The following KMT2E variants were observed in gnomAD, a reference collection of about 807,000 sequenced individuals.
KMT2E encodes histone reader KMT2E.
Under a neutral mutation model 184.6 loss-of-function variants are expected in KMT2E, and 30 were observed. That is an observed-to-expected ratio of 0.16 (90% CI 0.12 to 0.22). The LOEUF is 0.22. Ranked by LOEUF, KMT2E falls within the 10% of genes least tolerant of loss-of-function variation. The probability of loss-of-function intolerance (pLI) is 1.00; values close to 1 mark genes in which losing one functional copy is unlikely to be tolerated. For missense variants in KMT2E, 2,023 were observed against 2,237.4 expected (o/e 0.90, Z 1.93); for synonymous variants, 815 against 776.5 (o/e 1.05, Z -0.82).
chr7:105,108,428 T>C (rs1188358280), intron 22 of KMT2E: 1 of 333,426 alleles, frequency 3.0e-6, no homozygotes, highest in Non-Finnish European at 6.0e-6. Flanking sequence ...GCAGACATAC[T>C]GAGATAATTA....
At chr7:105,020,373 C>T (rs763786747) in intron 1 of KMT2E, among the ~76,000 whole-genome samples, 1 of 151,656 alleles carries the variant, frequency 6.6e-6, no homozygotes, top group Non-Finnish European at 1.5e-5. Flanking sequence ...GGTGGATCAC[C>T]TGAGCTCAGG....
At chr7:105,043,615 A>C (rs1562887667) in intron 3 of KMT2E, among the ~76,000 whole-genome samples, 2 of 152,180 alleles carry the variant, frequency 1.3e-5, no homozygotes, top group Non-Finnish European at 2.9e-5. Flanking sequence ...GAATAAGGAC[A>C]TTTTGGTATA....
intron 1 of KMT2E, among the ~76,000 whole-genome samples, chr7:105,031,656 G>C (rs1367496978): frequency 6.6e-6 from 1 of 151,918 alleles, no homozygotes. Context: ...GGAGGCTGAG[G>C]CAGGAGAATT....
chr7:105,062,950 T>TTAA (rs1584746200), intron 4 of KMT2E, among the ~76,000 whole-genome samples: 1 of 151,742 alleles, frequency 6.6e-6, no homozygotes, highest in African/African-American at 2.4e-5. Context: ...ATATGTCTTG[T>TTAA]TTTATTATTC....
intron 12 of KMT2E, among the ~76,000 whole-genome samples, chr7:105,079,418 A>G (rs1217368487): frequency 4.0e-5 from 6 of 151,092 alleles, no homozygotes; most frequent in Admixed American, 2.6e-4. Flanking sequence ...TTACGAGTGT[A>G]AGCCACCATG....
At chr7:105,043,267 T>C (rs4997569) in intron 3 of KMT2E, among the ~76,000 whole-genome samples, 40,306 of 147,626 alleles carry the variant, frequency 0.27, 8,314 homozygotes, top group East Asian at 0.64. Context: ...GACGGAGTCT[T>C]GCTCTGTCGC....
At chr7:105,102,241 T>C (rs576117174) in intron 17 of KMT2E, 47 bp downstream of exon 17, 64 of 1,476,364 alleles carry the variant, frequency 4.3e-5, no homozygotes, top group East Asian at 2.7e-4. Context: ...CAGTTTCTTA[T>C]ATTAATTATA....
chr7:105,037,061 A>C (rs181218802), intron 1 of KMT2E, among the ~76,000 whole-genome samples: 1 of 152,198 alleles, frequency 6.6e-6, no homozygotes, highest in South Asian at 2.1e-4. Flanking sequence ...TCTCAGTTAC[A>C]TGTCTCCTCA....
chr7:105,087,058 T>G (rs917297879), intron 13 of KMT2E, among the ~76,000 whole-genome samples: 1 of 147,202 alleles, frequency 6.8e-6, no homozygotes, highest in African/African-American at 2.5e-5. Flanking sequence ...ATATATAGCA[T>G]ATATAATATA....
At chr7:105,104,576 T>A (rs1798809828) in intron 17 of KMT2E, 1 of 151,596 alleles carries the variant, frequency 6.6e-6, no homozygotes. Context: ...ACACCTGTAG[T>A]CCCAGCTAGT....
intron 1 of KMT2E, among the ~76,000 whole-genome samples, chr7:105,029,243 AAC>A (rs1018459023): frequency 7.9e-5 from 12 of 152,186 alleles, no homozygotes; most frequent in Non-Finnish European, 1.8e-4. Flanking sequence ...AGGAAAAAAA[AAC>A]ACTACTTGAA....
chr7:105,110,926 C>A, intron 26 of KMT2E, 58 bp downstream of exon 26: 1 of 1,186,164 alleles, frequency 8.4e-7, no homozygotes, highest in Non-Finnish European at 1.3e-6. Flanking sequence ...TGCAGAAAAG[C>A]TGATGGTTAT....
At chr7:105,055,058 A>G (rs536464845) in intron 3 of KMT2E, among the ~76,000 whole-genome samples, 6 of 152,248 alleles carry the variant, frequency 3.9e-5, no homozygotes, top group African/African-American at 1.2e-4. Context: ...TCCTGAGCCT[A>G]CTGAATCTAG....
chr7:105,102,469 A>G (rs1056022005), intron 17 of KMT2E: 30 of 248,186 alleles, frequency 1.2e-4, no homozygotes, highest in Non-Finnish European at 1.8e-4. Context: ...TATGTACAAA[A>G]TATATACTTC....
intron 6 of KMT2E, among the ~76,000 whole-genome samples, chr7:105,068,224 T>A (rs1797121680): frequency 6.6e-6 from 1 of 152,188 alleles, no homozygotes; most frequent in Non-Finnish European, 1.5e-5. Flanking sequence ...AGAAGGTGTT[T>A]ATGTCTATAG....
intron 3 of KMT2E, among the ~76,000 whole-genome samples, chr7:105,053,642 G>T (rs1796438059): frequency 6.6e-6 from 1 of 152,094 alleles, no homozygotes; most frequent in African/African-American, 2.4e-5. Flanking sequence ...AGAGATCAAG[G>T]TGAGGGGATC....
chr7:105,098,388 T>G (rs922120014), intron 15 of KMT2E, among the ~76,000 whole-genome samples: 6 of 152,062 alleles, frequency 3.9e-5, no homozygotes, highest in African/African-American at 1.4e-4. Flanking sequence ...TACAGGTGCA[T>G]GCTACCATGT....
At chr7:105,071,582 G>GTGTATATATATATA (rs1398236878) in intron 6 of KMT2E, among the ~76,000 whole-genome samples, 2 of 34,928 alleles carry the variant, frequency 5.7e-5, no homozygotes, top group East Asian at 2.2e-3. Flanking sequence ...ATGTGTGTGT[G>GTGTATATATATATA]TATATATATA....
At chr7:105,063,714 C>T in intron 5 of KMT2E, 134 bp downstream of exon 5, 1 of 628,328 alleles carries the variant, frequency 1.6e-6, no homozygotes, top group South Asian at 2.2e-5. Flanking sequence ...ACTATTGATG[C>T]AGTCCTAGAA....
Sources: gnomAD v4.1 joint callset for allele counts (sites outside exome capture counted in the v4.1 genomes callset) on GRCh38, gnomAD v4.1.1 for gene constraint, MANE v1.5 for transcripts, NCBI Gene and HGNC (gene_info 2026-07-23, HGNC 2026-07-21) for gene names.